The following PDHB variants were observed in gnomAD, a reference collection of about 807,000 sequenced individuals.
PDHB encodes the protein pyruvate dehydrogenase E1 subunit beta, also known as pyruvate dehydrogenase E1 component subunit beta, mitochondrial.
PDHB carries 17 observed loss-of-function variants against 42.8 expected under a neutral mutation model. That is an observed-to-expected ratio of 0.40 (90% confidence interval 0.27 to 0.60). The LOEUF is 0.60. Among genes scored for constraint, PDHB ranks in the 20% least tolerant of loss-of-function variants. The probability of loss-of-function intolerance (pLI) is 0.46; values close to 1 mark genes in which losing one functional copy is unlikely to be tolerated. For synonymous variants in PDHB, 154 were observed against 148.7 expected (o/e 1.04, Z -0.26); for missense variants, 322 against 451.3 (o/e 0.71, Z 2.60).
intron 8 of PDHB, 31 bp from the exon 9 acceptor site, chr3:58,428,645 G>A (rs2062894137): frequency 1.3e-6 from 2 of 1,589,394 alleles, no homozygotes; most frequent in East Asian, 2.2e-5. Context: ...AGTTTACAGA[G>A]CTATTGCAGC....
At chr3:58,429,046 G>A (rs2062897709) in intron 8 of PDHB, among the ~76,000 whole-genome samples, 1 of 152,014 alleles carries the variant, frequency 6.6e-6, no homozygotes, top group Admixed American at 6.6e-5. Flanking sequence ...GTAGAGATGG[G>A]GTTTCAACAT....
chr3:58,430,006 G>A lies in PDHB; in HGVS notation c.700+122C>T. 4.0e-6 allele frequency: 3 copies of A among 744,372 alleles called. No individual in the cohort carries two copies. In the South Asian group the frequency reaches 4.4e-5, roughly 11 times the overall value. The allele number at this position is 744,372 out of a possible 1,614,324, so 46.1% of individuals were successfully genotyped here. Reference sequence around the variant, plus strand: ...AAAGCACAACTGAATGAGAAATTGGGGCATCTTGAGCTCATCCTATAATTT... The same window carrying A: ...AAAGCACAACTGAATGAGAAATTGGAGCATCTTGAGCTCATCCTATAATTT... On this transcript the variant is annotated intron_variant, in intron 7 of 9. Transcript: ENST00000302746.
chr3:58,431,429 C>A lies in PDHB; in HGVS notation c.303+164G>T. 1 of 675,106 alleles carries A rather than the reference C, an allele frequency of 1.5e-6. No individual in the cohort carries two copies. Among genetic ancestry groups the A allele is most frequent in the Non-Finnish European group, 2.6e-6 (1 of 379,152 alleles). The allele number at this position is 675,106 out of a possible 1,614,324, so 41.8% of individuals were successfully genotyped here. A position where few individuals can be genotyped will look rare whatever the true frequency, so the allele number is the denominator to read the frequency against. On this transcript the variant is annotated intron_variant, in intron 5 of 9. Coordinates refer to ENST00000302746, the MANE Select transcript of PDHB (RefSeq NM_000925.4). The surrounding 1 kb of genome is among the most constrained non-coding windows in gnomAD (Gnocchi z 4.4). ...CTAGGCACAGTGGCGCGACCTGTAA[C>A]CCCAGCCACTATGGAGGCTGAGGCA...
chr3:58,433,559 G>T, intron 2 of PDHB, 72 bp downstream of exon 2: 2 of 1,505,614 alleles, frequency 1.3e-6, no homozygotes, highest in Non-Finnish European at 1.8e-6. Context: ...GCGCAGGCGC[G>T]ACTCCGGCCT....
Position 58,429,669 on chromosome 3 carries a change from C to T in PDHB, c.792+39G>A, listed in dbSNP as rs372542473. 99 of 1,194,216 alleles carry T rather than the reference C, an allele frequency of 8.3e-5. 1 individual carries two copies. The highest frequency in any genetic ancestry group is 6.7e-4 in the Admixed American group (40 of 59,492). The allele number at this position is 1,194,216 out of a possible 1,614,324, so 74.0% of individuals were successfully genotyped here. ...TTCTGGGTCTTAAATCTAAAAGGAG[C>T]CCTTCTAATTCTTTAAGAACAAGTA... On this transcript the variant is annotated intron_variant, in intron 8 of 9. Transcript: ENST00000302746.
chr3:58,429,730 G>A lies in PDHB; in HGVS notation c.770C>T (p.Ser257Phe), dbSNP rs2062903951. The A allele has an allele frequency of 6.2e-7, 1 of 1,608,702 alleles. No homozygotes were observed. Residue 257 changes from serine to phenylalanine, a missense_variant, in exon 8 of 10, where the codon TCT becomes TTT. By Grantham distance (155) the Ser-to-Phe change is radical. This residue lies in a region of PDHB where 208 missense variants were observed against 285.0 expected (regional missense o/e 0.73). Transcript: ENST00000302746. Reference protein sequence around the residue: ...GHCLEAAAVLSKEGVECEVIN... With the variant: ...GHCLEAAAVLFKEGVECEVIN... ...CACCTCACATTCAACTCCTTCTTTA[G>A]ATAGCACTGCTGCAGCTTCTAAGCA... is the stretch of plus-strand genomic sequence containing the variant.
intron 8 of PDHB, among the ~76,000 whole-genome samples, chr3:58,429,187 C>G (rs995018640): frequency 1.3e-5 from 2 of 152,230 alleles, no homozygotes; most frequent in African/African-American, 2.4e-5. Flanking sequence ...GTACCAAGCA[C>G]TACACTAAGT....
intron 2 of PDHB, chr3:58,433,244 T>G: frequency 3.2e-6 from 1 of 314,872 alleles, no homozygotes. Flanking sequence ...CTGCTTGGGA[T>G]GATTAAAAAG....
chr3:58,430,772 G>C lies in PDHB; in HGVS notation c.474C>G (p.His158Gln). Residue 158 changes from histidine (H) to glutamine (Q), a missense_variant, in exon 6 of 10, where the codon CAC (histidine) becomes CAG (glutamine). This residue lies in a region of PDHB where 208 missense variants were observed against 285.0 expected (regional missense o/e 0.73). Transcript: ENST00000302746. ...CATACCAGGCAGCAAAGCACTGTGA[G>C]TGCTGGGCAGCTACACCTGCTGAGG... Reference protein sequence around the residue: ...NGASAGVAAQHSQCFAAWYGH... With the variant: ...NGASAGVAAQQSQCFAAWYGH... 6.2e-7 allele frequency: 1 copy of C among 1,614,192 alleles called. No homozygotes were observed. The highest frequency in any genetic ancestry group is 8.5e-7 in the Non-Finnish European group (1 of 1,180,010).
intron 8 of PDHB, 104 bp from the exon 9 acceptor site, chr3:58,428,718 T>C (rs1052763717): frequency 9.6e-7 from 1 of 1,037,880 alleles, no homozygotes; most frequent in Admixed American, 1.9e-5. Flanking sequence ...TCTTTGTATC[T>C]AGGAAAATCT....
In PDHB at chr3:58,427,644, C is replaced by T. The variant is rs747019479; in HGVS notation, c.*390G>A. The T allele has an allele frequency of 1.0e-4, 36 of 354,860 alleles. 1 individual carries two copies. The highest frequency in any genetic ancestry group is 1.0e-3 in the Middle Eastern group (1 of 998). The allele number at this position is 354,860 out of a possible 1,614,324, so 22.0% of individuals were successfully genotyped here. A position where few individuals can be genotyped will look rare whatever the true frequency, so the allele number is the denominator to read the frequency against. On this transcript the variant is annotated 3_prime_UTR_variant, in exon 10 of 10. Transcript: ENST00000302746. ...AAAAAAATTAGTCATGTTAGAAATT[C>T]CTTTATTCCTTATCAAAACAAACTA... is the stretch of plus-strand genomic sequence containing the variant.
chr3:58,428,396 CTT>C, intron 9 of PDHB, 75 bp downstream of exon 9: 3 of 1,507,286 alleles, frequency 2.0e-6, no homozygotes, highest in Non-Finnish European at 2.8e-6. Context: ...CTTTCAATCT[CTT>C]TATCCTGTAC....
At chr3:58,429,489 TC>T (rs1448424100) in intron 8 of PDHB, among the ~76,000 whole-genome samples, 1 of 150,888 alleles carries the variant, frequency 6.6e-6, no homozygotes, top group Non-Finnish European at 1.5e-5. Flanking sequence ...TTCAGAGAGC[TC>T]CCACTGTCTC....
In PDHB at chr3:58,428,030, C is replaced by T. The variant is rs780059698; in HGVS notation, c.*4G>A. ...ATTTCAACGACTTGATATTCAAGTC[C>T]AAACTAAATATTTAATGTTTTCTTT... On this transcript the variant is annotated 3_prime_UTR_variant, in exon 10 of 10. Transcript: ENST00000302746. 1.3e-6 allele frequency: 2 copies of T among 1,599,228 alleles called. No homozygotes were observed. The highest frequency in any genetic ancestry group is 3.3e-5 in the Admixed American group (2 of 59,962).
At chr3:58,432,025 G>C (rs780726798) in intron 2 of PDHB, 41 bp from the exon 3 acceptor site, 2 of 1,364,482 alleles carry the variant, frequency 1.5e-6, no homozygotes. Flanking sequence ...AGAATTGTTT[G>C]GGATTCAACT....
In PDHB at chr3:58,427,957, G is replaced by A. The variant is rs766780930; in HGVS notation, c.*77C>T. The A allele has an allele frequency of 9.5e-7, 1 of 1,050,764 alleles. No individual in the cohort carries two copies. The highest frequency in any genetic ancestry group is 1.5e-6 in the Non-Finnish European group (1 of 685,568). The allele number at this position is 1,050,764 out of a possible 1,614,324, so 65.1% of individuals were successfully genotyped here. On this transcript the variant is annotated 3_prime_UTR_variant, in exon 10 of 10. Coordinates refer to ENST00000302746, the MANE Select transcript of PDHB (RefSeq NM_000925.4). Reference sequence around the variant, plus strand: ...ATCGTTTTCCGTTATGAATAGTCAGGTCTTGCAGTACAAATCCAGGTGCAG... The same window carrying A: ...ATCGTTTTCCGTTATGAATAGTCAGATCTTGCAGTACAAATCCAGGTGCAG...
chr3:58,428,311 G>T, intron 9 of PDHB, 132 bp from the exon 10 acceptor site: 1 of 1,226,894 alleles, frequency 8.2e-7, no homozygotes. Context: ...TTCTGGATTT[G>T]CTTTTAAAAA....
In PDHB at chr3:58,430,645, C is replaced by T. The variant is rs2062911661; in HGVS notation, c.589+12G>A. 1 of 1,611,192 alleles carries T rather than the reference C, an allele frequency of 6.2e-7. No individual in the cohort carries two copies. Among genetic ancestry groups the T allele is most frequent in the South Asian group, 1.1e-5 (1 of 90,982 alleles). On this transcript the variant is annotated intron_variant, in intron 6 of 9. Transcript: ENST00000302746. ...CAATCTTCAAAAAAAACCAAAGGGT[C>T]CCTGTGCTGACCTGGATTGTTATCC...
At position 58,428,091 on chromosome 3, in the gene PDHB, G is replaced by A. The variant is rs2062888178; in HGVS notation, c.1023C>T (p.Asn341=). ...PMPYAKILED[N]SIPQVKDIIF... The stretch of plus-strand genomic sequence containing the variant: ...TGATGTCTTTGACCTGAGGTATAGA[G>A]TTGTCCTCTAGAATCTTTGCATAAG... Residue 341 remains asparagine, a synonymous_variant, in exon 10 of 10, where the codon AAC becomes AAT. Coordinates refer to ENST00000302746, the MANE Select transcript of PDHB (RefSeq NM_000925.4). 4 of 1,610,026 alleles carry A rather than the reference G, an allele frequency of 2.5e-6. No individual in the cohort carries two copies. The highest frequency in any genetic ancestry group is 1.3e-5 in the African/African-American group (1 of 74,842).
Sources: allele counts gnomAD v4.1 joint callset (sites outside exome capture counted in the v4.1 genomes callset), GRCh38; gene constraint gnomAD v4.1.1; regional missense constraint gnomAD v4.1.1; non-coding constraint Gnocchi (gnomAD v3.1); transcripts MANE v1.5; gene names NCBI Gene and HGNC (gene_info 2026-07-23, HGNC 2026-07-21).